IL4I1: variants seen among roughly 807,000 people sequenced by gnomAD.
IL4I1 encodes the protein interleukin 4 induced 1.
Under a neutral mutation model 29.7 loss-of-function variants are expected in IL4I1, and 24 were observed. The observed-to-expected ratio is 0.81, with a 90% CI of 0.59 to 1.14. The LOEUF (loss-of-function observed/expected upper bound fraction) is 1.14. Among genes scored for constraint, IL4I1 ranks in the 50% most tolerant of loss-of-function variants. IL4I1 has a pLI of 0.00. For missense variants in IL4I1, 686 were observed against 785.6 expected (o/e 0.87, Z 1.52); for synonymous variants, 371 against 352.5 (o/e 1.05, Z -0.59).
At chr19:49,905,470 G>A (rs1376613352) in intron 2 of IL4I1, among the ~76,000 whole-genome samples, 1 of 152,222 alleles carries the variant, frequency 6.6e-6, no homozygotes, top group Non-Finnish European at 1.5e-5. Flanking sequence ...TGCTGTAGGT[G>A]ACAGCTTTCA....
chr19:49,909,451 G>T, intron 2 of IL4I1: 7 of 1,614,126 alleles, frequency 4.3e-6, no homozygotes, highest in Non-Finnish European at 5.9e-6. Context: ...TAGTGAGGTT[G>T]CTGCTGCCCA....
chr19:49,892,588 T>C lies in IL4I1; in HGVS notation c.568-1115A>G, dbSNP rs192537339. Among the ~76,000 whole-genome samples the C allele has an allele frequency of 3.3e-5, 5 of 152,364 alleles. No individual in the cohort carries two copies. In the East Asian group the frequency reaches 9.6e-4, roughly 29 times the overall value. Reference sequence around the variant, plus strand: ...TATTGTTTCCCTGCCTGTCTTTGCGTGGCACATGAGTGCGTGTTCTTCAGC... The same window carrying C: ...TATTGTTTCCCTGCCTGTCTTTGCGCGGCACATGAGTGCGTGTTCTTCAGC... On this transcript the variant is annotated intron_variant, in intron 5 of 7. Transcript: ENST00000391826.
chr19:49,904,739 T>TCA (rs2075300242), intron 2 of IL4I1, among the ~76,000 whole-genome samples: 1 of 150,686 alleles, frequency 6.6e-6, no homozygotes, highest in Non-Finnish European at 1.5e-5. Flanking sequence ...TGAGACGGAG[T>TCA]CACTCTTTTG....
chr19:49,916,169 A>C (rs1323254486), intron 2 of IL4I1, among the ~76,000 whole-genome samples: 3 of 152,210 alleles, frequency 2.0e-5, no homozygotes, highest in African/African-American at 7.2e-5. Flanking sequence ...AGAGCTTTCC[A>C]GGGCCAAGTC....
chr19:49,928,885 G>C (rs150654811), intron 1 of IL4I1: 1 of 152,316 alleles, frequency 6.6e-6, no homozygotes, highest in Non-Finnish European at 1.5e-5. Flanking sequence ...AAAATCACAG[G>C]AGGAAGCAGG....
At chr19:49,901,239 C>G (rs907776527), upstream of IL4I1, among the ~76,000 whole-genome samples, 2 of 152,124 alleles carry the variant, frequency 1.3e-5, no homozygotes, top group South Asian at 4.1e-4. Flanking sequence ...AAAAAATTAG[C>G]CGGGCGTGGT....
intron 2 of IL4I1, among the ~76,000 whole-genome samples, chr19:49,913,475 G>A (rs887576073): frequency 2.0e-5 from 3 of 152,182 alleles, no homozygotes; most frequent in Non-Finnish European, 4.4e-5. Context: ...GGAGGGGCTG[G>A]AGTCAGCAGA....
At chr19:49,918,217 C>T (rs988405966) in intron 2 of IL4I1, among the ~76,000 whole-genome samples, 3 of 152,058 alleles carry the variant, frequency 2.0e-5, no homozygotes, top group Non-Finnish European at 2.9e-5. Context: ...AGGCATACGC[C>T]GCCATGCCCA....
intron 2 of IL4I1, among the ~76,000 whole-genome samples, chr19:49,913,698 T>C (rs573138290): frequency 6.6e-6 from 1 of 152,340 alleles, no homozygotes; most frequent in Admixed American, 6.5e-5. Context: ...CATTTCTCCA[T>C]AATAAACCGT....
At chr19:49,909,660 G>A in intron 2 of IL4I1, 1 of 1,614,210 alleles carries the variant, frequency 6.2e-7, no homozygotes, top group Non-Finnish European at 8.5e-7. Flanking sequence ...CTTGTGGCTG[G>A]TTGGAAGGGA....
Position 49,890,125 on chromosome 19 carries a change from G to A in IL4I1, c.1249C>T (p.Arg417Cys). Residue 417 changes from arginine (R) to cysteine (C), a missense_variant, in exon 8 of 8, where the codon CGC becomes TGC. Transcript: ENST00000391826. ...GCCGCCACGTCGTCGAGCGCCAAGC[G>A]CAACGCCTCTTCCCGGCTCAAGCCG... ...FAGLSREEALRLALDDVAALH... is the reference protein window; with the variant it reads ...FAGLSREEALCLALDDVAALH... 6.5e-7 allele frequency: 1 copy of A among 1,543,238 alleles called. No individual in the cohort carries two copies. Among genetic ancestry groups the A allele is most frequent in the Admixed American group, 2.0e-5 (1 of 50,924 alleles).
At position 49,890,189 on chromosome 19, in the gene IL4I1, C is replaced by T. The variant is rs1231723914; in HGVS notation, c.1185G>A (p.Leu395=). The T allele has an allele frequency of 1.9e-6, 3 of 1,543,870 alleles. No individual in the cohort carries two copies. The highest frequency in any genetic ancestry group is 3.9e-5 in the Admixed American group (2 of 51,044). The change falls in exon 8 of 8, where the codon CTG becomes CTA. Residue 395 remains leucine (L), a synonymous_variant. Transcript: ENST00000391826. ...YPPPREGALL[L]ASYTWSDAAA... ...CCGCGTCCGACCACGTGTACGAGGCCAGCAGCAGCGCGCCCTCGCGCGGCG... is the reference window on the plus strand; with the variant it reads ...CCGCGTCCGACCACGTGTACGAGGCTAGCAGCAGCGCGCCCTCGCGCGGCG...
chr19:49,890,929 G>GGGGCCCC, intron 7 of IL4I1, 42 bp downstream of exon 7: 1 of 454,452 alleles, frequency 2.2e-6, no homozygotes, highest in Non-Finnish European at 3.5e-6. Flanking sequence ...TTCCCTGATT[G>GGGGCCCC]CCCCCCGCCC....
At chr19:49,907,875 T>C (rs9523) in intron 2 of IL4I1, 130,907 of 374,388 alleles carry the variant, frequency 0.35, 24,024 homozygotes, top group East Asian at 0.4. Flanking sequence ...TCATGACACC[T>C]ATGACTATGC....
At chr19:49,895,020 G>T in intron 4 of IL4I1, 48 bp downstream of exon 4, 1 of 1,427,246 alleles carries the variant, frequency 7.0e-7, no homozygotes. Context: ...CATGGAGCTG[G>T]GGGGCTAGTT....
intron 2 of IL4I1, chr19:49,912,797 G>A (rs544059606): frequency 4.0e-5 from 6 of 151,246 alleles, no homozygotes; most frequent in Non-Finnish European, 7.4e-5. Context: ...GCCCAGGGAG[G>A]TGGAGGCTGC....
At position 49,920,691 on chromosome 19, in the gene IL4I1, G is replaced by A. The variant is rs75872842; in HGVS notation, c.-228+7003C>T. Among the ~76,000 whole-genome samples, 795 of 152,304 alleles carry A rather than the reference G, an allele frequency of 5.2e-3. 1 individual carries two copies. Among genetic ancestry groups the A allele is most frequent in the Middle Eastern group, 0.037 (11 of 294 alleles). On this transcript the variant is annotated intron_variant, in intron 2 of 9. Coordinates refer to the IL4I1 transcript ENST00000341114. ...GGCCCATGCCTTCCTTGGGGTGGCCGGTAATGCTGGTTGAGAACAGGCTGG... is the reference window on the plus strand; with the variant it reads ...GGCCCATGCCTTCCTTGGGGTGGCCAGTAATGCTGGTTGAGAACAGGCTGG...
At chr19:49,919,164 A>G (rs2075703769) in intron 2 of IL4I1, among the ~76,000 whole-genome samples, 1 of 152,158 alleles carries the variant, frequency 6.6e-6, no homozygotes, top group Admixed American at 6.5e-5. Flanking sequence ...AAAAAAACAA[A>G]CTAACTCATT....
At chr19:49,906,393 A>C (rs1600488904) in intron 2 of IL4I1, among the ~76,000 whole-genome samples, 1 of 152,114 alleles carries the variant, frequency 6.6e-6, no homozygotes, top group East Asian at 1.9e-4. Context: ...TGTAGTTTTT[A>C]TAGAGACGGG....
Sources: allele counts gnomAD v4.1 joint callset (sites outside exome capture counted in the v4.1 genomes callset), GRCh38; gene constraint gnomAD v4.1.1; transcripts MANE v1.5; gene names NCBI Gene and HGNC (gene_info 2026-07-23, HGNC 2026-07-21).